Variants in ADD3 observed in about 807,000 individuals in gnomAD.
ADD3 encodes the protein adducin 3, also known as gamma-adducin.
In ADD3, 25 loss-of-function variants were observed where a neutral mutation model predicts 80.2. That is an observed-to-expected ratio of 0.31 (90% CI 0.23 to 0.44). ADD3 has a LOEUF of 0.44. ADD3 is among the 20% of genes least tolerant of loss of function. The pLI is 1.00. For missense variants in ADD3, 829 were observed against 847.5 expected, an observed-to-expected ratio of 0.98 and a Z score of 0.27; for synonymous variants, 284 against 289.6, an observed-to-expected ratio of 0.98 and a Z score of 0.20.
chr10:110,051,722 G>A (rs890940672), intron 1 of ADD3, among the ~76,000 whole-genome samples: 2 of 152,238 alleles, frequency 1.3e-5, no homozygotes, highest in African/African-American at 4.8e-5. Flanking sequence ...GGTGGCAAAA[G>A]TAGTTCTTTC....
chr10:110,020,652 T>C (rs1853562102), intron 1 of ADD3, among the ~76,000 whole-genome samples: 1 of 152,196 alleles, frequency 6.6e-6, no homozygotes, highest in Non-Finnish European at 1.5e-5. Flanking sequence ...TGGCTGTGTT[T>C]TGAGACTAGA....
chr10:110,119,776 A>G, intron 8 of ADD3: 1 of 469,030 alleles, frequency 2.1e-6, no homozygotes, highest in East Asian at 3.7e-5. Context: ...ACACAATCTA[A>G]GGGCCTCATA....
chr10:110,123,553 A>AT (rs765752867), intron 9 of ADD3, among the ~76,000 whole-genome samples: 7 of 151,988 alleles, frequency 4.6e-5, no homozygotes, highest in Non-Finnish European at 8.8e-5. Context: ...TTCTCTTGTT[A>AT]TTTTTTGAGT....
At position 110,113,647 on chromosome 10, in the gene ADD3, G is replaced by A. The variant is rs191220034; in HGVS notation, c.334+732G>A. Among the ~76,000 whole-genome samples, 6 of 152,300 alleles carry A rather than the reference G, an allele frequency of 3.9e-5. No individual in the cohort carries two copies. The East Asian group carries it at 1.2e-3, about 29-fold the overall frequency. ...AATCATATCACAGTTGGATTTGGAA[G>A]TTTGGGTTTTATTCCTAACTTTGAT... is the stretch of plus-strand genomic sequence containing the variant. On this transcript the variant is annotated intron_variant, in intron 3 of 14. Coordinates refer to ENST00000356080, the MANE Select transcript of ADD3 (RefSeq NM_016824.5).
Position 110,072,115 on chromosome 10 carries a change from G to A in ADD3, c.-29-28510G>A, listed in dbSNP as rs940471323. 2.8e-4 allele frequency among the ~76,000 whole-genome samples: 43 copies of A among 152,274 alleles called. No homozygotes were observed. The South Asian group carries it at 2.9e-3, about 10-fold the overall frequency. On this transcript the variant is annotated intron_variant, in intron 1 of 14. Coordinates refer to ENST00000356080, the MANE Select transcript of ADD3 (RefSeq NM_016824.5). The stretch of plus-strand genomic sequence containing the variant: ...CTCTCTCTGTCACCCAGGCTGGAGC[G>A]CAGTGGCGCAATCTCGGCTCACTGC...
At chr10:110,003,178 G>A (rs1326627944), upstream of ADD3, among the ~76,000 whole-genome samples, 6 of 152,076 alleles carry the variant, frequency 3.9e-5, no homozygotes, top group Non-Finnish European at 7.4e-5. Context: ...TAAATTTTGG[G>A]GGGGTGGGAT....
At chr10:110,104,493 T>C (rs1849199116) in intron 2 of ADD3, among the ~76,000 whole-genome samples, 1 of 152,248 alleles carries the variant, frequency 6.6e-6, no homozygotes, top group East Asian at 1.9e-4. Context: ...TTACAGTGTT[T>C]CTGCTGATAT....
intron 1 of ADD3, among the ~76,000 whole-genome samples, chr10:110,080,548 A>G (rs1237380679): frequency 6.6e-6 from 1 of 152,248 alleles, no homozygotes; most frequent in East Asian, 1.9e-4. Context: ...CTTTTCTCAA[A>G]AGTCAATTTC....
At chr10:110,041,997 TG>T (rs1377046142) in intron 1 of ADD3, among the ~76,000 whole-genome samples, 2 of 152,246 alleles carry the variant, frequency 1.3e-5, no homozygotes, top group Non-Finnish European at 2.9e-5. Context: ...TAGCGTCTCT[TG>T]GGATCCGTGA....
intron 1 of ADD3, among the ~76,000 whole-genome samples, chr10:110,091,905 C>G (rs894732309): frequency 6.6e-6 from 1 of 152,070 alleles, no homozygotes; most frequent in African/African-American, 2.4e-5. Flanking sequence ...GGTAAACAAC[C>G]CCTTAAGAAA....
rs374327577 is a variant in ADD3 at position 110,122,181 on chromosome 10, C to T, written c.1032C>T (p.Phe344=). 9.9e-6 allele frequency: 16 copies of T among 1,614,148 alleles called. No individual in the cohort carries two copies. In the African/African-American group the frequency reaches 2.1e-4, roughly 22 times the overall value. The change falls in exon 9 of 15, where the codon TTC becomes TTT. Residue 344 remains phenylalanine, a synonymous_variant. Coordinates refer to ENST00000356080, the MANE Select transcript of ADD3 (RefSeq NM_016824.5). ...HVLDFQKYKA[F]TYTVAASGGG... ...TGGACTTTCAGAAGTATAAAGCTTT[C>T]ACTTACACTGTAGCAGCGTCTGGTG...
intron 1 of ADD3, among the ~76,000 whole-genome samples, chr10:110,071,287 G>A (rs922431037): frequency 8.5e-5 from 13 of 152,120 alleles, no homozygotes; most frequent in African/African-American, 1.9e-4. Flanking sequence ...AAATTGCAGG[G>A]GAGAGGGTTT....
intron 1 of ADD3, among the ~76,000 whole-genome samples, chr10:110,015,851 G>A (rs1852924422): frequency 6.6e-6 from 1 of 152,136 alleles, no homozygotes; most frequent in South Asian, 2.1e-4. Context: ...CAAGGGTCCG[G>A]TCACTAGCCA....
At chr10:110,102,727 G>T (rs1198172360) in intron 2 of ADD3, among the ~76,000 whole-genome samples, 1 of 152,090 alleles carries the variant, frequency 6.6e-6, no homozygotes, top group Non-Finnish European at 1.5e-5. Context: ...ATTTCTTTAG[G>T]AAGTATCTCA....
chr10:110,033,174 G>T (rs1395490332), intron 1 of ADD3, among the ~76,000 whole-genome samples: 1 of 152,190 alleles, frequency 6.6e-6, no homozygotes, highest in East Asian at 1.9e-4. Context: ...AGAAGATTTT[G>T]ATATATTCAT....
intron 1 of ADD3, among the ~76,000 whole-genome samples, chr10:110,090,820 T>G (rs1847407557): frequency 1.3e-5 from 2 of 152,170 alleles, no homozygotes; most frequent in South Asian, 4.1e-4. Context: ...CTGTTACTAT[T>G]TTATTTTATT....
chr10:110,052,308 C>G (rs1362653457), intron 1 of ADD3, among the ~76,000 whole-genome samples: 1 of 152,150 alleles, frequency 6.6e-6, no homozygotes, highest in Non-Finnish European at 1.5e-5. Flanking sequence ...GCCTAATGGT[C>G]CCTGCCAGGG....
chr10:110,112,448 T>C (rs1036072823), intron 2 of ADD3: 2 of 189,634 alleles, frequency 1.1e-5, no homozygotes, highest in Non-Finnish European at 2.2e-5. Context: ...AAGCAAGGAG[T>C]GGGTCACCTT....
At chr10:110,033,899 C>A (rs76111339) in intron 1 of ADD3, among the ~76,000 whole-genome samples, 1 of 152,146 alleles carries the variant, frequency 6.6e-6, no homozygotes, top group Non-Finnish European at 1.5e-5. Context: ...TAAGAGATTT[C>A]TCAGGATAAA....
Sources: allele counts gnomAD v4.1 joint callset (sites outside exome capture counted in the v4.1 genomes callset), GRCh38; gene constraint gnomAD v4.1.1; transcripts MANE v1.5; gene names NCBI Gene and HGNC (gene_info 2026-07-23, HGNC 2026-07-21).